The following SLC35F2 variants were observed in gnomAD, a reference collection of about 807,000 sequenced individuals.
SLC35F2 encodes the protein solute carrier family 35 member F2.
A neutral mutation model predicts 38.1 loss-of-function variants in SLC35F2; 25 were observed. The ratio of observed to expected loss-of-function variants is 0.66; its 90% CI spans 0.48 to 0.92. The LOEUF is 0.92. Ranked by LOEUF, SLC35F2 falls within the 40% of genes least tolerant of loss-of-function variation. The pLI is 0.00. For synonymous variants in SLC35F2, 173 were observed against 181.7 expected, an observed-to-expected ratio of 0.95 and a Z score of 0.38; for missense variants, 409 against 452.9, an observed-to-expected ratio of 0.90 and a Z score of 0.88.
chr11:107,799,686 G>A (rs1327625140), intron 7 of SLC35F2, among the ~76,000 whole-genome samples: 1 of 151,956 alleles, frequency 6.6e-6, no homozygotes, highest in Non-Finnish European at 1.5e-5. Context: ...CACCTCCCGG[G>A]TTCAAGTAAT....
At chr11:107,851,136 G>T (rs1860177403) in intron 1 of SLC35F2, among the ~76,000 whole-genome samples, 1 of 151,980 alleles carries the variant, frequency 6.6e-6, no homozygotes, top group African/African-American at 2.4e-5. Flanking sequence ...GGTGGCACGT[G>T]CCTGTAGTCC....
intron 1 of SLC35F2, among the ~76,000 whole-genome samples, chr11:107,826,424 A>T (rs1859756289): frequency 6.6e-6 from 1 of 152,006 alleles, no homozygotes; most frequent in South Asian, 2.1e-4. Context: ...TTGTATTTTT[A>T]GTAGAGATAG....
At chr11:107,819,537 T>C (rs1178816023) in intron 1 of SLC35F2, among the ~76,000 whole-genome samples, 1 of 152,212 alleles carries the variant, frequency 6.6e-6, no homozygotes, top group East Asian at 1.9e-4. Context: ...ACACTTCCTC[T>C]TGAAGGAGTC....
intron 1 of SLC35F2, among the ~76,000 whole-genome samples, chr11:107,833,518 C>CAAAAAGAAAAAAAAAA (rs1859883521): frequency 1.1e-5 from 1 of 89,566 alleles, no homozygotes; most frequent in African/African-American, 4.9e-5. Flanking sequence ...GACTCTGTCT[C>CAAAAAGAAAAAAAAAA]AAAAAAAAAA....
At chr11:107,843,861 AAAAAAAAAT>A (rs1198326422) in intron 1 of SLC35F2, among the ~76,000 whole-genome samples, 53 of 38,220 alleles carry the variant, frequency 1.4e-3, no homozygotes, top group African/African-American at 4.2e-3. Context: ...AAAAAAAAAA[AAAAAAAAAT>A]ATATATATAT....
chr11:107,843,735 C>G (rs1489050661), intron 1 of SLC35F2, among the ~76,000 whole-genome samples: 1 of 149,806 alleles, frequency 6.7e-6, no homozygotes, highest in Non-Finnish European at 1.5e-5. Flanking sequence ...CCCCTGTAGT[C>G]CTAGCTACTC....
intron 1 of SLC35F2, among the ~76,000 whole-genome samples, chr11:107,825,317 G>A (rs1024553599): frequency 6.7e-6 from 1 of 150,056 alleles, no homozygotes; most frequent in Admixed American, 6.6e-5. Flanking sequence ...TGCAGCTTCT[G>A]ATTCAGTAGG....
chr11:107,805,589 A>T, intron 4 of SLC35F2, 74 bp from the exon 5 acceptor site: 1 of 1,523,114 alleles, frequency 6.6e-7, no homozygotes, highest in Non-Finnish European at 8.8e-7. Flanking sequence ...CCAGGCGGTC[A>T]TCTGACTCGT....
At position 107,800,120 on chromosome 11, in the gene SLC35F2, C is replaced by A. The variant is rs535680100; in HGVS notation, c.939+2881G>T. Among the ~76,000 whole-genome samples the A allele has an allele frequency of 3.6e-4, 54 of 151,936 alleles. 1 individual carries two copies. Among genetic ancestry groups the A allele is most frequent in the Admixed American group, 3.5e-3 (53 of 15,224 alleles). On this transcript the variant is annotated intron_variant, in intron 7 of 7. Coordinates refer to ENST00000525815, the MANE Select transcript of SLC35F2 (RefSeq NM_017515.5). ...AGCCAGGATGGTCTCGATCTCCTGA[C>A]CTCGTGATCCGCCCGCCTCGGCCTC... is the stretch of plus-strand genomic sequence containing the variant.
intron 2 of SLC35F2, among the ~76,000 whole-genome samples, chr11:107,814,131 TAGAATC>T (rs1859525017): frequency 6.6e-6 from 1 of 152,144 alleles, no homozygotes; most frequent in Non-Finnish European, 1.5e-5. Context: ...GTAGTAAACT[TAGAATC>T]AGACCTTCAA....
intron 1 of SLC35F2, among the ~76,000 whole-genome samples, chr11:107,856,169 T>C (rs1860278415): frequency 2.0e-5 from 3 of 150,968 alleles, no homozygotes; most frequent in African/African-American, 7.3e-5. Context: ...TCTTATCACA[T>C]CTTGTTAAAC....
rs142328315 is a variant in SLC35F2, at chr11:107,856,566, A to G, written c.110+2092T>C. 1.1e-4 allele frequency among the ~76,000 whole-genome samples: 17 copies of G among 152,220 alleles called. No individual in the cohort carries two copies. In the East Asian group the frequency reaches 3.3e-3, roughly 29 times the overall value. On this transcript the variant is annotated intron_variant, in intron 1 of 7. Transcript: ENST00000525815. ...GAAAAAATTAGCCTGGCGTGGTGGT[A>G]TACATCTGTAATCCCAGCTACTTCG...
intron 7 of SLC35F2, among the ~76,000 whole-genome samples, chr11:107,794,598 T>C (rs1859189324): frequency 6.6e-6 from 1 of 152,136 alleles, no homozygotes; most frequent in Non-Finnish European, 1.5e-5. Context: ...GCTAACATCA[T>C]ACTGAATGGG....
rs1328329761 is a variant in SLC35F2 at position 107,792,639 on chromosome 11, C to T, written c.1101G>A (p.Gln367=). 6.2e-7 allele frequency: 1 copy of T among 1,612,842 alleles called. No individual in the cohort carries two copies. Among genetic ancestry groups the T allele is most frequent in the Admixed American group, 1.7e-5 (1 of 59,876 alleles). The change falls in exon 8 of 8, where the codon CAG becomes CAA. Residue 367 remains glutamine (Q), a synonymous_variant. Transcript: ENST00000525815. ...GCTACAAGACAGCAGAGTGGGTCTCCTGGAGGTTCTCCTCCAGCTTCAGCC... is the reference window on the plus strand; with the variant it reads ...GCTACAAGACAGCAGAGTGGGTCTCTTGGAGGTTCTCCTCCAGCTTCAGCC... ...NLGLKLEENL[Q]ETHSAVL
intron 1 of SLC35F2, among the ~76,000 whole-genome samples, chr11:107,849,122 T>C (rs1038815761): frequency 6.6e-6 from 1 of 151,966 alleles, no homozygotes; most frequent in African/African-American, 2.4e-5. Context: ...AAAAAACCTA[T>C]TTTTGTAGGA....
Position 107,806,697 on chromosome 11 carries a change from A to G in SLC35F2, c.574+20T>C. On this transcript the variant is annotated intron_variant, in intron 4 of 7. Coordinates refer to ENST00000525815, the MANE Select transcript of SLC35F2 (RefSeq NM_017515.5). Reference sequence around the variant, plus strand: ...ACAAATTTGCTGTGATTGAAGCACAAACATGTGACACCGTCTCACCTGAAT... The same window carrying G: ...ACAAATTTGCTGTGATTGAAGCACAGACATGTGACACCGTCTCACCTGAAT... 2 of 1,613,278 alleles carry G rather than the reference A, an allele frequency of 1.2e-6. No individual in the cohort carries two copies. Among genetic ancestry groups the G allele is most frequent in the South Asian group, 2.2e-5 (2 of 91,034 alleles).
At chr11:107,857,565 C>A (rs1023408167) in intron 1 of SLC35F2, among the ~76,000 whole-genome samples, 11 of 152,186 alleles carry the variant, frequency 7.2e-5, no homozygotes, top group Non-Finnish European at 1.5e-4. Flanking sequence ...CCCCTTTAAA[C>A]ACATGCATCA....
At chr11:107,826,835 G>A (rs906709848) in intron 1 of SLC35F2, among the ~76,000 whole-genome samples, 1 of 151,996 alleles carries the variant, frequency 6.6e-6, no homozygotes, top group African/African-American at 2.4e-5. Context: ...ATATACCATA[G>A]GATCAAAAAG....
At position 107,792,673 on chromosome 11, in the gene SLC35F2, T is replaced by A. The variant is rs377754027; in HGVS notation, c.1067A>T (p.Asp356Val). 3.7e-6 allele frequency: 6 copies of A among 1,613,660 alleles called. No individual in the cohort carries two copies. In the African/African-American group the frequency reaches 8.0e-5, roughly 22 times the overall value. ...SVPPVTSIGI[D>V]NLGLKLEENL... Reference sequence around the variant, plus strand: ...CTCCTCCAGCTTCAGCCCCAGGTTGTCAATCCCAATGCTGGTGACTGGAGG... The same window carrying A: ...CTCCTCCAGCTTCAGCCCCAGGTTGACAATCCCAATGCTGGTGACTGGAGG... The change falls in exon 8 of 8, where the codon GAC (aspartate) becomes GTC (valine). Residue 356 changes from aspartate (D) to valine (V), a missense_variant. Asp to Val is a radical substitution (Grantham distance 152). Coordinates refer to ENST00000525815, the MANE Select transcript of SLC35F2 (RefSeq NM_017515.5).
Sources: gnomAD v4.1 joint callset for allele counts (sites outside exome capture counted in the v4.1 genomes callset) on GRCh38, gnomAD v4.1.1 for gene constraint, MANE v1.5 for transcripts, NCBI Gene and HGNC (gene_info 2026-07-23, HGNC 2026-07-21) for gene names.